Variants in CLIP1 observed in about 807,000 individuals in gnomAD.
The protein encoded by CLIP1 is CAP-Gly domain containing linker protein 1, also known as CAP-Gly domain-containing linker protein 1.
In CLIP1, 66 loss-of-function variants were observed where a neutral mutation model predicts 161.6. The ratio of observed to expected loss-of-function variants is 0.41; its 90% CI spans 0.33 to 0.50. The LOEUF (loss-of-function observed/expected upper bound fraction) is 0.50. CLIP1 is among the 20% of genes least tolerant of loss of function. CLIP1 has a pLI of 0.27. For synonymous variants in CLIP1, 598 were observed against 626.2 expected (o/e 0.96, Z 0.67); for missense variants, 1,376 against 1,702.0 (o/e 0.81, Z 3.37).
intron 13 of CLIP1, 107 bp downstream of exon 13, chr12:122,334,541 T>C (rs192374159): frequency 1.2e-5 from 9 of 743,872 alleles, no homozygotes; most frequent in Admixed American, 2.8e-5. Context: ...TCCAGGAGAG[T>C]GAAATTAGGC....
intron 21 of CLIP1, among the ~76,000 whole-genome samples, chr12:122,285,818 A>AT (rs1268947154): frequency 2.7e-5 from 4 of 150,542 alleles, no homozygotes; most frequent in Non-Finnish European, 5.9e-5. Context: ...AGCCCTATTT[A>AT]TTTTTTCACG....
chr12:122,334,902 GCA>G (rs1952144137), intron 12 of CLIP1, among the ~76,000 whole-genome samples, 197 bp from the exon 13 acceptor site: 1 of 152,186 alleles, frequency 6.6e-6, no homozygotes. Flanking sequence ...ACAAAAGAGT[GCA>G]GTTTGCATGT....
chr12:122,380,125 C>T (rs193173062), intron 2 of CLIP1, among the ~76,000 whole-genome samples: 1 of 151,368 alleles, frequency 6.6e-6, no homozygotes, highest in Non-Finnish European at 1.5e-5. Flanking sequence ...CGCCTATATT[C>T]CCAGCTACTT....
At chr12:122,366,928 T>C (rs947967782) in intron 3 of CLIP1, among the ~76,000 whole-genome samples, 5 of 152,196 alleles carry the variant, frequency 3.3e-5, no homozygotes, top group African/African-American at 4.8e-5. Context: ...CTATATAAAA[T>C]TGGTCTCACT....
chr12:122,422,617 C>G lies in CLIP1; in HGVS notation c.-203G>C, dbSNP rs1053462645. ...CGCCTCCCGGCTCGTCGGCTCGGGG[C>G]GGGGGAGAGCGTGACGCGCCGCCGC... is the stretch of plus-strand genomic sequence containing the variant. On this transcript the variant is annotated 5_prime_UTR_variant, in exon 1 of 26. Transcript: ENST00000620786. 2.0e-5 allele frequency: 3 copies of G among 146,604 alleles called. No individual in the cohort carries two copies. The highest frequency in any genetic ancestry group is 4.6e-5 in the Non-Finnish European group (3 of 65,688). The allele number at this position is 146,604 out of a possible 1,614,324, so 9.1% of individuals were successfully genotyped here.
chr12:122,363,645 C>T (rs758979893), intron 4 of CLIP1, among the ~76,000 whole-genome samples: 7 of 152,008 alleles, frequency 4.6e-5, no homozygotes, highest in Admixed American at 1.3e-4. Context: ...CTTCTGCCCC[C>T]GCCCCCTCCC....
rs34177347 is a variant in CLIP1 at position 122,334,703 on chromosome 12, T to C, written c.2571A>G (p.Lys857=). ...ETLEKELQIL[K]EKFAEASEEA... is the part of the protein sequence containing the mutation. The stretch of plus-strand genomic sequence containing the variant: ...CCTCTGAAGCTTCAGCAAACTTTTC[T>C]TTCTAAAGAAAAAGAATGAGAGATT... The change falls in exon 13 of 26, where the codon AAA becomes AAG. Residue 857 remains lysine, a splice_region_variant and synonymous_variant. Coordinates refer to ENST00000620786, the MANE Select transcript of CLIP1 (RefSeq NM_001247997.2). 91 of 1,566,764 alleles carry C rather than the reference T, an allele frequency of 5.8e-5. No homozygotes were observed. The African/African-American group carries it at 1.1e-3, about 18-fold the overall frequency.
intron 20 of CLIP1, among the ~76,000 whole-genome samples, chr12:122,294,452 G>A (rs549313483): frequency 1.7e-3 from 265 of 151,754 alleles, no homozygotes; most frequent in Non-Finnish European, 2.6e-3. Context: ...GACCTCCAAA[G>A]GAATATGCTA....
intron 1 of CLIP1, among the ~76,000 whole-genome samples, chr12:122,395,197 A>G (rs1955863573): frequency 6.6e-6 from 1 of 152,246 alleles, no homozygotes; most frequent in African/African-American, 2.4e-5. Flanking sequence ...ACGTACACAC[A>G]GTAAAAACAC....
intron 5 of CLIP1, chr12:122,356,049 T>C (rs956088404): frequency 6.6e-6 from 1 of 152,238 alleles, no homozygotes; most frequent in African/African-American, 2.4e-5. Flanking sequence ...CTTTCCTCAA[T>C]TAATAACTCG....
Position 122,328,397 on chromosome 12 carries a change from G to T in CLIP1, c.2897C>A (p.Thr966Lys), listed in dbSNP as rs772383379. 19 of 1,607,700 alleles carry T rather than the reference G, an allele frequency of 1.2e-5. No individual in the cohort carries two copies. The highest frequency in any genetic ancestry group is 1.4e-5 in the Non-Finnish European group (16 of 1,177,750). Residue 966 changes from threonine (T) to lysine (K), a missense_variant, in exon 16 of 26, where the codon ACA becomes AAA. Thr to Lys is a moderately conservative substitution (Grantham distance 78). Transcript: ENST00000620786. ...RDVEELQLKL[T>K]KANENASFLQ... ...AAAACTTGCATTTTCATTAGCCTTT[G>T]TAAGTTTTAGCTGTAATTCTTCTAC...
intron 1 of CLIP1, among the ~76,000 whole-genome samples, chr12:122,392,521 C>T (rs1955702719): frequency 6.6e-6 from 1 of 152,054 alleles, no homozygotes; most frequent in Non-Finnish European, 1.5e-5. Flanking sequence ...AGCAATGAAT[C>T]CCAAAGTTTG....
At chr12:122,410,160 C>T (rs2137157813) in intron 1 of CLIP1, among the ~76,000 whole-genome samples, 1 of 152,166 alleles carries the variant, frequency 6.6e-6, no homozygotes, top group Non-Finnish European at 1.5e-5. Flanking sequence ...GCATGAGTCA[C>T]CATGCCTAGC....
intron 1 of CLIP1, among the ~76,000 whole-genome samples, chr12:122,393,166 GTTT>G (rs55816714): frequency 5.0e-5 from 7 of 139,180 alleles, no homozygotes; most frequent in African/African-American, 7.9e-5. Context: ...TGGCAATCTT[GTTT>G]TTTTTTTTTT....
intron 1 of CLIP1, among the ~76,000 whole-genome samples, chr12:122,384,989 G>A (rs1955186070): frequency 6.7e-6 from 1 of 148,900 alleles, no homozygotes; most frequent in Admixed American, 6.8e-5. Context: ...CTGGAGTGCA[G>A]TGGCGCAATC....
intron 1 of CLIP1, among the ~76,000 whole-genome samples, chr12:122,390,308 A>ATATATG (rs1955598786): frequency 1.6e-5 from 2 of 127,384 alleles, no homozygotes; most frequent in Non-Finnish European, 1.6e-5. Context: ...ATATATGTAT[A>ATATATG]TATATATATA....
chr12:122,351,179 C>CA, intron 8 of CLIP1, 36 bp from the exon 9 acceptor site: 1 of 1,300,716 alleles, frequency 7.7e-7, no homozygotes, highest in Non-Finnish European at 1.0e-6. Context: ...TAAACAACAA[C>CA]AAAAAAGAGA....
intron 5 of CLIP1, among the ~76,000 whole-genome samples, chr12:122,356,764 A>C (rs1299527872): frequency 6.6e-6 from 1 of 152,056 alleles, no homozygotes; most frequent in East Asian, 1.9e-4. Flanking sequence ...CAGCCTGCCG[A>C]GTGCCTGCGA....
chr12:122,281,854 T>TA (rs572133964), intron 21 of CLIP1, among the ~76,000 whole-genome samples: 196 of 152,126 alleles, frequency 1.3e-3, no homozygotes, highest in African/African-American at 4.3e-3. Flanking sequence ...ATGTTTTTAC[T>TA]AAAAAAAACC....
Sources: gnomAD v4.1 joint callset for allele counts (sites outside exome capture counted in the v4.1 genomes callset) on GRCh38, gnomAD v4.1.1 for gene constraint, MANE v1.5 for transcripts, NCBI Gene and HGNC (gene_info 2026-07-23, HGNC 2026-07-21) for gene names.